The following MEF2A variants were observed in gnomAD, a reference collection of about 807,000 sequenced individuals.
The protein encoded by MEF2A is myocyte enhancer factor 2A, also known as myocyte-specific enhancer factor 2A.
MEF2A carries 28 observed loss-of-function variants against 55.8 expected under a neutral mutation model. That is an observed-to-expected ratio of 0.50 (90% confidence interval 0.37 to 0.69). The LOEUF is 0.69. Among genes scored for constraint, MEF2A ranks in the 30% least tolerant of loss-of-function variants. The pLI is 0.00. For synonymous variants in MEF2A, 239 were observed against 227.1 expected, an observed-to-expected ratio of 1.05 and a Z score of -0.47; for missense variants, 528 against 626.2, an observed-to-expected ratio of 0.84 and a Z score of 1.67.
chr15:99,701,710 T>A (rs1006749279), intron 8 of MEF2A, among the ~76,000 whole-genome samples: 1 of 152,212 alleles, frequency 6.6e-6, no homozygotes, highest in Non-Finnish European at 1.5e-5. Flanking sequence ...AATAAATAGT[T>A]TAAAATATAT....
intron 7 of MEF2A, among the ~76,000 whole-genome samples, chr15:99,689,062 A>G (rs761430338): frequency 2.6e-5 from 4 of 152,226 alleles, no homozygotes; most frequent in Non-Finnish European, 5.9e-5. Flanking sequence ...TACGTATTTT[A>G]TATCTCAACT....
At chr15:99,667,383 G>C (rs1046378078) in intron 4 of MEF2A, among the ~76,000 whole-genome samples, 1 of 152,112 alleles carries the variant, frequency 6.6e-6, no homozygotes, top group African/African-American at 2.4e-5. Flanking sequence ...ACCACGCCCA[G>C]CTAACTTTGT....
intron 8 of MEF2A, among the ~76,000 whole-genome samples, chr15:99,694,003 C>T (rs1009766043): frequency 2.0e-5 from 3 of 152,124 alleles, no homozygotes; most frequent in East Asian, 3.8e-4. Context: ...ACTACTGATA[C>T]GTTATTATTA....
intron 8 of MEF2A, among the ~76,000 whole-genome samples, chr15:99,696,957 C>CA (rs1055702562): frequency 6.6e-6 from 1 of 151,826 alleles, no homozygotes; most frequent in Non-Finnish European, 1.5e-5. Flanking sequence ...TACATCAAGA[C>CA]CAAGTTGGTT....
chr15:99,606,744 G>T (rs903159609), intron 2 of MEF2A, among the ~76,000 whole-genome samples: 1 of 152,154 alleles, frequency 6.6e-6, no homozygotes, highest in African/African-American at 2.4e-5. Flanking sequence ...TTTTTGAGAG[G>T]ATGTTAGGTT....
At chr15:99,592,350 T>C (rs543085950) in intron 1 of MEF2A, among the ~76,000 whole-genome samples, 3 of 152,330 alleles carry the variant, frequency 2.0e-5, no homozygotes, top group African/African-American at 7.2e-5. Context: ...AATTTCACTT[T>C]ATTCATGCAC....
chr15:99,715,330 T>G lies in MEF2A; in HGVS notation c.*2559T>G, dbSNP rs1567535017. On this transcript the variant is annotated 3_prime_UTR_variant, in exon 12 of 12. Coordinates refer to ENST00000557942, the MANE Select transcript of MEF2A (RefSeq NM_001319206.4). ...CTTGTGTGCCTTATGAGATGGCTTT[T>G]CTGACTGTATCTCAATAGTCTTTCT... 1 of 152,266 alleles carries G rather than the reference T, an allele frequency of 6.6e-6. No individual in the cohort carries two copies. The highest frequency in any genetic ancestry group is 2.4e-5 in the African/African-American group (1 of 41,470). The allele number at this position is 152,266 out of a possible 1,614,324, so 9.4% of individuals were successfully genotyped here.
chr15:99,697,078 AGTAAT>A lies in MEF2A; in HGVS notation c.859-6283_859-6279del, dbSNP rs1159359344. On this transcript the variant is annotated intron_variant, in intron 8 of 11. Coordinates refer to ENST00000557942, the MANE Select transcript of MEF2A (RefSeq NM_001319206.4). ...TTAAAAAAAAAAATCTCAATGAACT[AGTAAT>A]AGAAAGGAACTTAATAAAGAGCATC... Among the ~76,000 whole-genome samples, 3 of 152,220 alleles carry A rather than the reference AGTAAT, an allele frequency of 2.0e-5. No homozygotes were observed. The East Asian group carries it at 5.8e-4, about 29-fold the overall frequency.
chr15:99,655,641 A>G (rs187146333), intron 4 of MEF2A, among the ~76,000 whole-genome samples: 2 of 152,260 alleles, frequency 1.3e-5, no homozygotes, highest in Non-Finnish European at 2.9e-5. Context: ...GGCTTTAGTA[A>G]TGTTGAGAAT....
At chr15:99,631,706 TTTA>T (rs2042972202) in intron 2 of MEF2A, among the ~76,000 whole-genome samples, 1 of 152,082 alleles carries the variant, frequency 6.6e-6, no homozygotes, top group Admixed American at 6.5e-5. Context: ...TGGAAGTACA[TTTA>T]TTAGAAGTAG....
At chr15:99,613,762 C>T (rs980552335) in intron 2 of MEF2A, among the ~76,000 whole-genome samples, 12 of 152,200 alleles carry the variant, frequency 7.9e-5, no homozygotes, top group African/African-American at 2.7e-4. Context: ...TGTATTTTGA[C>T]AGCCCATGGT....
At chr15:99,580,779 A>G (rs528117717) in intron 1 of MEF2A, among the ~76,000 whole-genome samples, 1 of 152,352 alleles carries the variant, frequency 6.6e-6, no homozygotes. Flanking sequence ...TGAAAAGGTA[A>G]CTTCTAAACT....
intron 2 of MEF2A, among the ~76,000 whole-genome samples, chr15:99,599,138 C>CA (rs1972178958): frequency 6.6e-6 from 1 of 151,986 alleles, no homozygotes; most frequent in Non-Finnish European, 1.5e-5. Context: ...GTGTAGTCCT[C>CA]AAAAGTTTTC....
intron 9 of MEF2A, among the ~76,000 whole-genome samples, chr15:99,705,554 T>TACATCC (rs2057936732): frequency 6.6e-6 from 1 of 152,186 alleles, no homozygotes; most frequent in East Asian, 1.9e-4. Context: ...ACTCAGGCAA[T>TACATCC]ACATCCACAT....
At position 99,715,413 on chromosome 15, in the gene MEF2A, G is replaced by A. The variant is rs1388686752; in HGVS notation, c.*2642G>A. ...GTTTTCTAAAATACTACTACTCAAG[G>A]CTCGGAGTTTGTATTTAAATTACAC... On this transcript the variant is annotated 3_prime_UTR_variant, in exon 12 of 12. Coordinates refer to ENST00000557942, the MANE Select transcript of MEF2A (RefSeq NM_001319206.4). 1 of 152,132 alleles carries A rather than the reference G, an allele frequency of 6.6e-6. No homozygotes were observed. Among genetic ancestry groups the A allele is most frequent in the Non-Finnish European group, 1.5e-5 (1 of 68,030 alleles). 9.4% of individuals were successfully genotyped at this position (152,132 alleles called of 1,614,324 possible). A position where few individuals can be genotyped will look rare whatever the true frequency, so the allele number is the denominator to read the frequency against.
intron 6 of MEF2A, among the ~76,000 whole-genome samples, chr15:99,675,082 T>C (rs2051689197): frequency 6.6e-6 from 1 of 152,182 alleles, no homozygotes; most frequent in African/African-American, 2.4e-5. Context: ...AAGTCCTAGA[T>C]TTAATTTAGT....
At chr15:99,601,510 G>GTTTTT (rs34835966) in intron 2 of MEF2A, among the ~76,000 whole-genome samples, 1 of 113,906 alleles carries the variant, frequency 8.8e-6, no homozygotes, top group Admixed American at 8.9e-5. Flanking sequence ...CTTGGTCAGA[G>GTTTTT]TTTTTTTTTT....
chr15:99,590,077 T>G (rs1458303065), intron 1 of MEF2A, among the ~76,000 whole-genome samples: 1 of 152,126 alleles, frequency 6.6e-6, no homozygotes, highest in Non-Finnish European at 1.5e-5. Context: ...CCAGTTAGTG[T>G]GAAGGAAGTA....
intron 3 of MEF2A, among the ~76,000 whole-genome samples, chr15:99,633,395 CAAAAGT>C (rs927054170): frequency 6.6e-6 from 1 of 151,966 alleles, no homozygotes; most frequent in Admixed American, 6.6e-5. Context: ...TATAGATACT[CAAAAGT>C]AAAATCACCA....
Sources: allele counts gnomAD v4.1 joint callset (sites outside exome capture counted in the v4.1 genomes callset), GRCh38; gene constraint gnomAD v4.1.1; transcripts MANE v1.5; gene names NCBI Gene and HGNC (gene_info 2026-07-23, HGNC 2026-07-21).